The following THSD7A variants were observed in gnomAD, a reference collection of about 807,000 sequenced individuals.
The protein encoded by THSD7A is thrombospondin type 1 domain containing 7A, also known as thrombospondin type-1 domain-containing protein 7A.
A neutral mutation model predicts 231.3 loss-of-function variants in THSD7A; 96 were observed. The ratio of observed to expected loss-of-function variants is 0.41; its 90% CI spans 0.35 to 0.49. The LOEUF (loss-of-function observed/expected upper bound fraction) is 0.49, where lower values mean the gene tolerates loss of function less well. THSD7A is among the 20% of genes least tolerant of loss of function. The probability of loss-of-function intolerance (pLI) is 0.05; values close to 1 mark genes in which losing one functional copy is unlikely to be tolerated. For synonymous variants in THSD7A, 940 were observed against 743.3 expected, an observed-to-expected ratio of 1.26 and a Z score of -4.30; for missense variants, 2,290 against 2,070.2, an observed-to-expected ratio of 1.11 and a Z score of -2.06.
intron 1 of THSD7A, among the ~76,000 whole-genome samples, chr7:11,708,049 A>T (rs1011064991): frequency 6.0e-5 from 9 of 150,708 alleles, no homozygotes; most frequent in African/African-American, 2.2e-4. Flanking sequence ...TTTTGCACTC[A>T]ACTTCTCTAA....
chr7:11,641,698 A>AT (rs1306529838), intron 1 of THSD7A, among the ~76,000 whole-genome samples: 1 of 152,044 alleles, frequency 6.6e-6, no homozygotes, highest in African/African-American at 2.4e-5. Context: ...AATAAAATGC[A>AT]TGAAGGCACC....
chr7:11,695,292 C>G (rs373939074), intron 1 of THSD7A, among the ~76,000 whole-genome samples: 2 of 151,430 alleles, frequency 1.3e-5, no homozygotes, highest in African/African-American at 4.8e-5. Context: ...TGTATTAAAA[C>G]CTGAGAGTGT....
chr7:11,541,836 G>GA (rs906557034), intron 5 of THSD7A, among the ~76,000 whole-genome samples: 34 of 151,714 alleles, frequency 2.2e-4, no homozygotes, highest in African/African-American at 7.5e-4. Flanking sequence ...CGAATGGAAT[G>GA]AAAAAAAATG....
intron 1 of THSD7A, among the ~76,000 whole-genome samples, chr7:11,721,259 C>G (rs550455336): frequency 1.3e-5 from 2 of 151,910 alleles, no homozygotes; most frequent in East Asian, 2.0e-4. Context: ...AATTTCCTGT[C>G]AAATTGTAAT....
intron 1 of THSD7A, among the ~76,000 whole-genome samples, chr7:11,717,326 C>T (rs1781174847): frequency 6.6e-6 from 1 of 151,670 alleles, no homozygotes; most frequent in Admixed American, 6.6e-5. Flanking sequence ...CTGTGCTTTT[C>T]CTTTTCTTGA....
At chr7:11,495,076 T>C (rs547506375) in intron 6 of THSD7A, among the ~76,000 whole-genome samples, 1 of 152,200 alleles carries the variant, frequency 6.6e-6, no homozygotes, top group Admixed American at 6.5e-5. Flanking sequence ...AGTAATGCTT[T>C]TATGGGCAAC....
rs1782380957 is a variant in THSD7A, at chr7:11,378,716, A to G, written c.4801+354T>C. ...ATGAAAAATTCTGGAATGTCTTTATAGTCTCCTTTATCCTAGTTCTGAATG... is the reference window on the plus strand; with the variant it reads ...ATGAAAAATTCTGGAATGTCTTTATGGTCTCCTTTATCCTAGTTCTGAATG... On this transcript the variant is annotated intron_variant, in intron 26 of 27. Coordinates refer to ENST00000423059, the MANE Select transcript of THSD7A (RefSeq NM_015204.3). 15 of 237,162 alleles carry G rather than the reference A, an allele frequency of 6.3e-5. No individual in the cohort carries two copies. In the South Asian group the frequency reaches 8.6e-4, roughly 14 times the overall value. The allele number at this position is 237,162 out of a possible 1,614,324, so 14.7% of individuals were successfully genotyped here.
rs1210347890 is a variant in THSD7A at position 11,542,977 on chromosome 7, G to T, written c.1594C>A (p.Gln532Lys). The change falls in exon 5 of 28, where the codon CAG (glutamine) becomes AAG (lysine). Residue 532 changes from glutamine to lysine, a missense_variant. Coordinates refer to ENST00000423059, the MANE Select transcript of THSD7A (RefSeq NM_015204.3). ...GPCTYENCND[Q>K]QGKKGFKLRK... ...CGTTACCTACCTTTTTTCCCTTGCT[G>T]ATCATTACAGTTTTCATAAGTACAA... 4 of 1,612,400 alleles carry T rather than the reference G, an allele frequency of 2.5e-6. No individual in the cohort carries two copies. The highest frequency in any genetic ancestry group is 1.7e-5 in the Admixed American group (1 of 59,730).
At chr7:11,392,219 G>T (rs973128284) in intron 23 of THSD7A, among the ~76,000 whole-genome samples, 1 of 152,008 alleles carries the variant, frequency 6.6e-6, no homozygotes, top group African/African-American at 2.4e-5. Context: ...GGGACTGGCT[G>T]GACAGTAAGT....
intron 2 of THSD7A, among the ~76,000 whole-genome samples, chr7:11,612,895 C>T (rs1372994136): frequency 6.6e-6 from 1 of 152,092 alleles, no homozygotes; most frequent in Non-Finnish European, 1.5e-5. Context: ...TTTTGTATTT[C>T]CTCTTTGCTT....
intron 17 of THSD7A, among the ~76,000 whole-genome samples, chr7:11,413,518 T>C (rs1199738079): frequency 6.6e-6 from 1 of 152,212 alleles, no homozygotes; most frequent in Non-Finnish European, 1.5e-5. Flanking sequence ...ATTATGGCAG[T>C]AAAAGAGATC....
At chr7:11,490,978 T>C (rs1055638356) in intron 6 of THSD7A, among the ~76,000 whole-genome samples, 4 of 151,858 alleles carry the variant, frequency 2.6e-5, no homozygotes, top group African/African-American at 4.8e-5. Flanking sequence ...TGTGGAGGAG[T>C]TGACCATCCC....
intron 1 of THSD7A, among the ~76,000 whole-genome samples, chr7:11,762,973 T>C (rs1477622596): frequency 6.6e-6 from 1 of 152,060 alleles, no homozygotes; most frequent in African/African-American, 2.4e-5. Flanking sequence ...ATGGAACCAA[T>C]AAAAGAGCCC....
At chr7:11,419,038 G>A (rs1307100687) in intron 16 of THSD7A, among the ~76,000 whole-genome samples, 1 of 152,148 alleles carries the variant, frequency 6.6e-6, no homozygotes, top group Admixed American at 6.6e-5. Context: ...GGACATTTCA[G>A]TGCTCAAAAG....
chr7:11,507,913 T>C (rs1787621449), intron 6 of THSD7A, among the ~76,000 whole-genome samples: 1 of 152,190 alleles, frequency 6.6e-6, no homozygotes, highest in Non-Finnish European at 1.5e-5. Context: ...GACTGGCTAA[T>C]TTACAAAGGA....
intron 1 of THSD7A, among the ~76,000 whole-genome samples, chr7:11,641,580 G>A (rs1401423599): frequency 6.6e-5 from 10 of 151,840 alleles, no homozygotes; most frequent in Non-Finnish European, 1.3e-4. Flanking sequence ...ATAACATTGT[G>A]GGATTTATCT....
intron 6 of THSD7A, among the ~76,000 whole-genome samples, chr7:11,500,826 C>T (rs1013788135): frequency 6.6e-6 from 1 of 151,628 alleles, no homozygotes; most frequent in Non-Finnish European, 1.5e-5. Context: ...ATCCCAGCTA[C>T]TTGGGAGGCT....
chr7:11,648,518 T>A (rs1399936266), intron 1 of THSD7A, among the ~76,000 whole-genome samples: 1 of 152,094 alleles, frequency 6.6e-6, no homozygotes, highest in East Asian at 1.9e-4. Flanking sequence ...TCTTACCAAA[T>A]ACTTTATTTG....
chr7:11,766,442 G>A (rs1474834639), intron 1 of THSD7A, among the ~76,000 whole-genome samples: 2 of 149,988 alleles, frequency 1.3e-5, no homozygotes, highest in Non-Finnish European at 2.9e-5. Flanking sequence ...AACTCTCCAC[G>A]ACAAACTCAC....
Sources: gnomAD v4.1 joint callset for allele counts (sites outside exome capture counted in the v4.1 genomes callset) on GRCh38, gnomAD v4.1.1 for gene constraint, MANE v1.5 for transcripts, NCBI Gene and HGNC (gene_info 2026-07-23, HGNC 2026-07-21) for gene names.